GALNT18: variants seen among roughly 807,000 people sequenced by gnomAD.
GALNT18 encodes polypeptide N-acetylgalactosaminyltransferase 18.
Under a neutral mutation model 69.5 loss-of-function variants are expected in GALNT18, and 44 were observed. That is an observed-to-expected ratio of 0.63 (90% CI 0.50 to 0.81). GALNT18 has a LOEUF of 0.81. Among genes scored for constraint, GALNT18 ranks in the 40% least tolerant of loss-of-function variants. GALNT18 has a pLI of 0.00. For missense variants in GALNT18, 715 were observed against 810.0 expected, an observed-to-expected ratio of 0.88 and a Z score of 1.42; for synonymous variants, 364 against 318.2, an observed-to-expected ratio of 1.14 and a Z score of -1.53.
intron 1 of GALNT18, among the ~76,000 whole-genome samples, chr11:11,558,432 C>T (rs1225836652): frequency 2.0e-5 from 3 of 152,248 alleles, no homozygotes; most frequent in Non-Finnish European, 4.4e-5. Flanking sequence ...GTGTGCTTCA[C>T]ATTTGTGCAA....
At chr11:11,287,424 CGA>C (rs1369182807) in intron 10 of GALNT18, among the ~76,000 whole-genome samples, 2 of 152,070 alleles carry the variant, frequency 1.3e-5, no homozygotes, top group East Asian at 1.9e-4. Flanking sequence ...TTGTTACTAC[CGA>C]GAGTCAGTCC....
At chr11:11,345,540 T>A (rs1485681093) in intron 6 of GALNT18, among the ~76,000 whole-genome samples, 1 of 151,686 alleles carries the variant, frequency 6.6e-6, no homozygotes, top group Non-Finnish European at 1.5e-5. Flanking sequence ...GGGCAGGGGA[T>A]AAGGAAGGGA....
At chr11:11,456,130 C>A (rs1287129002) in intron 1 of GALNT18, among the ~76,000 whole-genome samples, 4 of 152,202 alleles carry the variant, frequency 2.6e-5, no homozygotes, top group African/African-American at 7.2e-5. Context: ...TGGGGTCCAA[C>A]TGCAGGCTGA....
intron 6 of GALNT18, among the ~76,000 whole-genome samples, chr11:11,348,659 T>C (rs971413): frequency 0.96 from 145,597 of 152,248 alleles, 69,903 homozygotes; most frequent in East Asian, 1. Flanking sequence ...CATCTAGTTA[T>C]GTCCAGTTAT....
chr11:11,406,266 T>C (rs924181270), intron 3 of GALNT18, among the ~76,000 whole-genome samples: 4 of 152,242 alleles, frequency 2.6e-5, no homozygotes, highest in African/African-American at 9.6e-5. Context: ...ACAACCCTCC[T>C]TTGGTAGGTA....
intron 3 of GALNT18, among the ~76,000 whole-genome samples, chr11:11,409,736 A>G (rs893559993): frequency 3.2e-4 from 48 of 152,152 alleles, no homozygotes; most frequent in African/African-American, 9.9e-4. Context: ...TTTGTCCCCA[A>G]ATTACTATGT....
chr11:11,434,073 G>A (rs546473245), intron 2 of GALNT18, among the ~76,000 whole-genome samples: 32 of 152,204 alleles, frequency 2.1e-4, no homozygotes, highest in African/African-American at 7.2e-4. Context: ...AATGAGGAAG[G>A]CTGCAGGATA....
intron 9 of GALNT18, among the ~76,000 whole-genome samples, chr11:11,326,870 A>C (rs1405733152): frequency 1.3e-5 from 2 of 152,124 alleles, no homozygotes; most frequent in African/African-American, 2.4e-5. Flanking sequence ...GAGTCATAGC[A>C]TCCACTCCCT....
At chr11:11,286,089 G>GT (rs1338984274) in intron 10 of GALNT18, among the ~76,000 whole-genome samples, 1 of 152,114 alleles carries the variant, frequency 6.6e-6, no homozygotes, top group African/African-American at 2.4e-5. Context: ...GGGGGCTGGG[G>GT]TGTGGTGTCT....
chr11:11,384,496 A>C (rs191066710), intron 3 of GALNT18, among the ~76,000 whole-genome samples: 46 of 152,320 alleles, frequency 3.0e-4, no homozygotes, highest in Non-Finnish European at 6.3e-4. Context: ...CTCATGAACA[A>C]GGAAGCAGCC....
chr11:11,427,103 C>A (rs1040201053), intron 3 of GALNT18, among the ~76,000 whole-genome samples: 8 of 152,204 alleles, frequency 5.3e-5, no homozygotes, highest in Admixed American at 5.2e-4. Flanking sequence ...TTTAACCAAA[C>A]TCAAATGCTA....
rs58795517 is a variant in GALNT18, at chr11:11,284,908, G to GTTTTTTTTTTTTTTTTT, written c.1677+8104_1677+8120dup. On this transcript the variant is annotated intron_variant, in intron 10 of 10. Transcript: ENST00000227756. ...CTGATTTACTAGTAAAGACTTTCGT[G>GTTTTTTTTTTTTTTTTT]TTTTTTTTTTTTTTTTTTTTTTAAC... 6.3e-4 allele frequency among the ~76,000 whole-genome samples: 52 copies of GTTTTTTTTTTTTTTTTT among 82,810 alleles called. 6 individuals are homozygous for GTTTTTTTTTTTTTTTTT. Among genetic ancestry groups the GTTTTTTTTTTTTTTTTT allele is most frequent in the African/African-American group, 3.1e-3 (51 of 16,522 alleles). The allele number at this position is 82,810 out of a possible 152,430, so 54.3% of individuals were successfully genotyped here.
At chr11:11,284,916 T>TTTTTTTTTG (rs1849163114) in intron 10 of GALNT18, among the ~76,000 whole-genome samples, 1 of 144,032 alleles carries the variant, frequency 6.9e-6, no homozygotes, top group Non-Finnish European at 1.5e-5. Flanking sequence ...GTGTTTTTTT[T>TTTTTTTTTG]TTTTTTTTTT....
At chr11:11,374,016 A>G (rs1027626729) in intron 5 of GALNT18, among the ~76,000 whole-genome samples, 1 of 152,194 alleles carries the variant, frequency 6.6e-6, no homozygotes, top group Non-Finnish European at 1.5e-5. Flanking sequence ...TTCCCTGGGG[A>G]ATGCAGATAC....
intron 1 of GALNT18, among the ~76,000 whole-genome samples, chr11:11,499,103 C>T (rs1856925342): frequency 1.3e-5 from 2 of 152,186 alleles, no homozygotes; most frequent in African/African-American, 2.4e-5. Context: ...CTCGAGTCCT[C>T]GTGGTCACTC....
Position 11,340,906 on chromosome 11 carries a change from A to G in GALNT18, c.1191T>C (p.His397=), listed in dbSNP as rs748816684. 3 of 1,614,120 alleles carry G rather than the reference A, an allele frequency of 1.9e-6. No individual in the cohort carries two copies. The highest frequency in any genetic ancestry group is 1.7e-6 in the Non-Finnish European group (2 of 1,179,986). Residue 397 remains histidine (H), a synonymous_variant, in exon 7 of 11, where the codon CAT becomes CAC. Transcript: ENST00000227756. The surrounding 1 kb of genome is among the most constrained non-coding windows in gnomAD (Gnocchi z 4.2). The part of the protein sequence containing the change: ...HKPYTEDLTA[H]VRRNALRVAE... ...CCACCCTGAGAGCGTTCCTGCGGACATGGGCGGTGAGGTCCTCTGTGTAGG... is the reference window on the plus strand; with the variant it reads ...CCACCCTGAGAGCGTTCCTGCGGACGTGGGCGGTGAGGTCCTCTGTGTAGG...
rs1027494570 is a variant in GALNT18, at chr11:11,279,316, ATTAAAAATTTC to A, written c.1678-8037_1678-8027del. Reference sequence around the variant, plus strand: ...AGAATGGCCTAACACATCCATAATAATTAAAAATTTCTTAAAAAAATTTAAGACTAAAAAAA... The same window carrying A: ...AGAATGGCCTAACACATCCATAATAATTAAAAAAATTTAAGACTAAAAAAA... On this transcript the variant is annotated intron_variant, in intron 10 of 10. Transcript: ENST00000227756. Among the ~76,000 whole-genome samples, 416 of 152,320 alleles carry A rather than the reference ATTAAAAATTTC, an allele frequency of 2.7e-3. 4 individuals are homozygous for A. The highest frequency in any genetic ancestry group is 9.3e-3 in the African/African-American group (388 of 41,564).
chr11:11,297,280 A>G (rs1849418256), intron 9 of GALNT18, among the ~76,000 whole-genome samples: 2 of 152,226 alleles, frequency 1.3e-5, no homozygotes, highest in South Asian at 4.1e-4. Context: ...TTTACCTCTT[A>G]CACTGTGCCA....
At position 11,292,992 on chromosome 11, in the gene GALNT18, G is replaced by A. The variant is rs763988566; in HGVS notation, c.1677+37C>T. ...TGAGGCCACTCTCCTGGTTTTCCACGATGGCTGCCACTGTGCCCGGGCTCT... is the reference window on the plus strand; with the variant it reads ...TGAGGCCACTCTCCTGGTTTTCCACAATGGCTGCCACTGTGCCCGGGCTCT... On this transcript the variant is annotated intron_variant, in intron 10 of 10. Coordinates refer to ENST00000227756, the MANE Select transcript of GALNT18 (RefSeq NM_198516.3). The A allele has an allele frequency of 1.4e-5, 19 of 1,334,038 alleles. No individual in the cohort carries two copies. In the Admixed American group the frequency reaches 1.5e-4, roughly 11 times the overall value. 82.6% of individuals were successfully genotyped at this position (1,334,038 alleles called of 1,614,324 possible). A position where few individuals can be genotyped will look rare whatever the true frequency, so the allele number is the denominator to read the frequency against.
Sources: gnomAD v4.1 joint callset for allele counts (sites outside exome capture counted in the v4.1 genomes callset) on GRCh38, gnomAD v4.1.1 for gene constraint, Gnocchi (gnomAD v3.1) non-coding constraint, MANE v1.5 for transcripts, NCBI Gene and HGNC (gene_info 2026-07-23, HGNC 2026-07-21) for gene names.